The following EYS variants were observed in gnomAD, a reference collection of about 807,000 sequenced individuals.
The protein encoded by EYS is protein eyes shut homolog.
EYS carries 250 observed loss-of-function variants against 282.1 expected under a neutral mutation model. That is an observed-to-expected ratio of 0.89 (90% CI 0.80 to 0.98). The LOEUF (loss-of-function observed/expected upper bound fraction) is 0.98, where lower values mean the gene tolerates loss of function less well. Ranked by LOEUF, EYS falls within the 50% of genes least tolerant of loss-of-function variation. The pLI is 0.00. For synonymous variants in EYS, 1,355 were observed against 1,282.9 expected, an observed-to-expected ratio of 1.06 and a Z score of -1.20; for missense variants, 4,016 against 3,709.0, an observed-to-expected ratio of 1.08 and a Z score of -2.15.
At chr6:65,131,570 A>G (rs1168129048) in intron 12 of EYS, among the ~76,000 whole-genome samples, 3 of 151,950 alleles carry the variant, frequency 2.0e-5, no homozygotes, top group Non-Finnish European at 2.9e-5. Context: ...TCTCTGTTAC[A>G]TAGCTACAAG....
At chr6:65,044,034 A>C (rs756927478) in intron 13 of EYS, among the ~76,000 whole-genome samples, 2 of 151,702 alleles carry the variant, frequency 1.3e-5, no homozygotes, top group Non-Finnish European at 3.0e-5. Context: ...ATCCTCAACA[A>C]AACTTATTAT....
intron 13 of EYS, among the ~76,000 whole-genome samples, chr6:65,046,879 C>A (rs1196111650): frequency 1.3e-5 from 2 of 151,924 alleles, no homozygotes; most frequent in East Asian, 3.9e-4. Flanking sequence ...TTCGTCACCC[C>A]TTTGTGATAA....
chr6:65,536,632 A>G (rs934741017), intron 2 of EYS, among the ~76,000 whole-genome samples: 1 of 152,176 alleles, frequency 6.6e-6, no homozygotes, highest in Admixed American at 6.6e-5. Flanking sequence ...TGTGATAGTA[A>G]TATTTTTTAC....
At chr6:64,059,454 A>G (rs1317245440) in intron 33 of EYS, among the ~76,000 whole-genome samples, 1 of 152,188 alleles carries the variant, frequency 6.6e-6, no homozygotes, top group African/African-American at 2.4e-5. Flanking sequence ...ACTGGCTGGT[A>G]GAGTCCACTG....
chr6:65,032,568 A>G (rs1772638180), intron 13 of EYS, among the ~76,000 whole-genome samples: 1 of 152,122 alleles, frequency 6.6e-6, no homozygotes, highest in Admixed American at 6.6e-5. Flanking sequence ...CCTCTTTCAA[A>G]TTCTACCATA....
intron 26 of EYS, among the ~76,000 whole-genome samples, chr6:64,574,210 A>C (rs1765810669): frequency 6.6e-6 from 1 of 152,100 alleles, no homozygotes; most frequent in African/African-American, 2.4e-5. Flanking sequence ...CTCACTCATA[A>C]GTGGGAGTTG....
At chr6:65,318,918 C>T (rs78913018) in intron 11 of EYS, among the ~76,000 whole-genome samples, 8 of 150,420 alleles carry the variant, frequency 5.3e-5, no homozygotes, top group Non-Finnish European at 1.2e-4. Context: ...CTGGGATTAC[C>T]GTCGTGAGCC....
intron 2 of EYS, among the ~76,000 whole-genome samples, chr6:65,515,165 A>G (rs1215869112): frequency 1.3e-5 from 2 of 152,198 alleles, no homozygotes; most frequent in African/African-American, 4.8e-5. Context: ...GAAGACATTT[A>G]TCCAGCCAAA....
chr6:65,214,469 T>C (rs1266754103), intron 12 of EYS, among the ~76,000 whole-genome samples: 2 of 152,150 alleles, frequency 1.3e-5, no homozygotes, highest in Non-Finnish European at 2.9e-5. Context: ...GTGAGGAAGC[T>C]ACAGAAGAAA....
At chr6:65,673,295 G>A (rs1443276532) in intron 1 of EYS, among the ~76,000 whole-genome samples, 2 of 152,166 alleles carry the variant, frequency 1.3e-5, no homozygotes, top group African/African-American at 2.4e-5. Context: ...GCGTGGGAAC[G>A]TAGAGTGGGA....
At chr6:64,921,972 TA>T (rs201800841) in intron 15 of EYS, among the ~76,000 whole-genome samples, 32 of 146,030 alleles carry the variant, frequency 2.2e-4, no homozygotes, top group South Asian at 1.3e-3. Context: ...GAACAAAAAT[TA>T]AAAAAAAAAA....
At chr6:63,830,275 C>A (rs1771592363) in intron 36 of EYS, among the ~76,000 whole-genome samples, 1 of 152,160 alleles carries the variant, frequency 6.6e-6, no homozygotes, top group South Asian at 2.1e-4. Context: ...CTCCTCCCAG[C>A]TAAAGGAGGA....
chr6:63,973,208 C>T (rs1417810546), intron 35 of EYS, among the ~76,000 whole-genome samples: 3 of 152,118 alleles, frequency 2.0e-5, no homozygotes, highest in Non-Finnish European at 2.9e-5. Context: ...CACATCCTCT[C>T]CAGTATCTGT....
At chr6:65,590,070 C>A (rs908805333) in intron 2 of EYS, among the ~76,000 whole-genome samples, 1 of 151,974 alleles carries the variant, frequency 6.6e-6, no homozygotes, top group African/African-American at 2.4e-5. Context: ...ATACTAGAGA[C>A]CTTAGTGCTT....
intron 28 of EYS, among the ~76,000 whole-genome samples, chr6:64,389,580 T>C: frequency 6.6e-6 from 1 of 152,168 alleles, no homozygotes; most frequent in East Asian, 1.9e-4. Context: ...TTACATATAG[T>C]CTATGGGTTT....
At chr6:65,363,529 G>A (rs1323226550) in intron 8 of EYS, among the ~76,000 whole-genome samples, 1 of 151,744 alleles carries the variant, frequency 6.6e-6, no homozygotes. Flanking sequence ...GATTGATGTT[G>A]TTTTTCATGG....
At chr6:64,655,620 C>T (rs1345342772) in intron 22 of EYS, among the ~76,000 whole-genome samples, 1 of 151,864 alleles carries the variant, frequency 6.6e-6, no homozygotes, top group Non-Finnish European at 1.5e-5. Context: ...AAATGGTCAT[C>T]AATACAATAC....
intron 35 of EYS, among the ~76,000 whole-genome samples, chr6:63,884,793 A>G (rs1050533707): frequency 7.2e-5 from 11 of 152,122 alleles, no homozygotes; most frequent in Non-Finnish European, 8.8e-5. Context: ...AATCTATACT[A>G]TGTAAATTCT....
intron 22 of EYS, among the ~76,000 whole-genome samples, chr6:64,654,115 G>A (rs1768662986): frequency 6.6e-6 from 1 of 151,938 alleles, no homozygotes; most frequent in Admixed American, 6.6e-5. Context: ...GTATATGTCA[G>A]GTTTTAAATT....
Sources: allele counts gnomAD v4.1 joint callset (sites outside exome capture counted in the v4.1 genomes callset), GRCh38; gene constraint gnomAD v4.1.1; transcripts MANE v1.5; gene names NCBI Gene and HGNC (gene_info 2026-07-23, HGNC 2026-07-21).